The following C12orf56 variants were observed in gnomAD, a reference collection of about 807,000 sequenced individuals.
C12orf56 encodes uncharacterized protein C12orf56.
Under a neutral mutation model 69.9 loss-of-function variants are expected in C12orf56, and 71 were observed. The observed-to-expected ratio is 1.02, with a 90% CI of 0.84 to 1.24. The LOEUF (loss-of-function observed/expected upper bound fraction) is 1.24, where lower values mean the gene tolerates loss of function less well. Ranked by LOEUF, C12orf56 falls within the 50% of genes most tolerant of loss-of-function variation. C12orf56 has a pLI of 0.00. For missense variants in C12orf56, 732 were observed against 738.5 expected, an observed-to-expected ratio of 0.99 and a Z score of 0.10; for synonymous variants, 276 against 274.1, an observed-to-expected ratio of 1.01 and a Z score of -0.07.
chr12:64,274,984 C>T lies in C12orf56; in HGVS notation c.1510-9G>A, dbSNP rs2038032453. On this transcript the variant is annotated splice_polypyrimidine_tract_variant and intron_variant, in intron 10 of 12. Coordinates refer to ENST00000543942, the MANE Select transcript of C12orf56 (RefSeq NM_001170633.2). ...CCCAATCCGAGATTTCCCTAAAAGACTCAAGGAAATAAACAAGTTATATTC... is the reference window on the plus strand; with the variant it reads ...CCCAATCCGAGATTTCCCTAAAAGATTCAAGGAAATAAACAAGTTATATTC... The T allele has an allele frequency of 3.1e-6, 5 of 1,598,496 alleles. No homozygotes were observed. Among genetic ancestry groups the T allele is most frequent in the Non-Finnish European group, 4.3e-6 (5 of 1,166,402 alleles).
In C12orf56 at chr12:64,313,193, C is replaced by T. The variant is rs572411276; in HGVS notation, c.895-441G>A. Reference sequence around the variant, plus strand: ...AGGAGAATGGCATGAACCCGGGGGGCGGAGCTTGCAGTGAGCAGAGATCAC... The same window carrying T: ...AGGAGAATGGCATGAACCCGGGGGGTGGAGCTTGCAGTGAGCAGAGATCAC... On this transcript the variant is annotated intron_variant, in intron 4 of 12. Transcript: ENST00000543942. Among the ~76,000 whole-genome samples, 1,052 of 145,900 alleles carry T rather than the reference C, an allele frequency of 7.2e-3. 19 individuals carry two copies. The highest frequency in any genetic ancestry group is 0.026 in the African/African-American group (1,006 of 39,272).
At chr12:64,356,861 T>C (rs1295026618) in intron 1 of C12orf56, among the ~76,000 whole-genome samples, 1 of 152,186 alleles carries the variant, frequency 6.6e-6, no homozygotes, top group African/African-American at 2.4e-5. Context: ...TCTAACATTC[T>C]TTTCAAGCAT....
intron 1 of C12orf56, among the ~76,000 whole-genome samples, chr12:64,365,635 C>G (rs944063808): frequency 1.0e-4 from 15 of 148,738 alleles, no homozygotes; most frequent in African/African-American, 3.7e-4. Flanking sequence ...CATGGTGGCT[C>G]ATGCCTGTAA....
At chr12:64,366,293 T>TTA (rs572520442) in intron 1 of C12orf56, among the ~76,000 whole-genome samples, 27 of 18,614 alleles carry the variant, frequency 1.5e-3, no homozygotes, top group African/African-American at 4.0e-3. Flanking sequence ...AATATACAGT[T>TTA]TATATATTAT....
intron 1 of C12orf56, among the ~76,000 whole-genome samples, chr12:64,377,085 G>A (rs373223234): frequency 5.9e-5 from 9 of 151,636 alleles, no homozygotes; most frequent in Non-Finnish European, 7.4e-5. Context: ...TCTCACTTTC[G>A]TTTGGATTTG....
intron 1 of C12orf56, among the ~76,000 whole-genome samples, chr12:64,387,682 C>T (rs894443211): frequency 1.3e-5 from 2 of 151,922 alleles, no homozygotes; most frequent in Middle Eastern, 3.4e-3. Context: ...CATGGTGGCA[C>T]GTGCCTGTAG....
intron 5 of C12orf56, among the ~76,000 whole-genome samples, chr12:64,309,501 TTG>T (rs1317850062): frequency 3.8e-5 from 2 of 52,532 alleles, no homozygotes; most frequent in African/African-American, 1.5e-4. Context: ...GTTTTTTTGT[TTG>T]TTTGTTTGTT....
chr12:64,314,234 T>A (rs1471230148), intron 4 of C12orf56, among the ~76,000 whole-genome samples: 1 of 151,846 alleles, frequency 6.6e-6, no homozygotes, highest in African/African-American at 2.4e-5. Flanking sequence ...TACAGACATG[T>A]TCTACCTTGC....
Position 64,282,830 on chromosome 12 carries a change from A to G in C12orf56, c.1310+1834T>C, listed in dbSNP as rs547075934. ...CATAGTCCCTGGCACATAGCAAGTG[A>G]GCAAGTGTACTTAAGAAATATTAAT... is the stretch of plus-strand genomic sequence containing the variant. On this transcript the variant is annotated intron_variant, in intron 8 of 12. Transcript: ENST00000543942. Among the ~76,000 whole-genome samples, 11 of 151,838 alleles carry G rather than the reference A, an allele frequency of 7.2e-5. No individual in the cohort carries two copies. In the South Asian group the frequency reaches 2.3e-3, roughly 32 times the overall value.
chr12:64,361,810 G>A (rs1372891549), intron 1 of C12orf56, among the ~76,000 whole-genome samples: 2 of 151,604 alleles, frequency 1.3e-5, no homozygotes, highest in East Asian at 1.9e-4. Context: ...TCGGCTCACC[G>A]CAACCTCCTC....
At chr12:64,329,536 A>G (rs1382961836) in intron 3 of C12orf56, among the ~76,000 whole-genome samples, 1 of 148,064 alleles carries the variant, frequency 6.8e-6, no homozygotes, top group East Asian at 2.0e-4. Context: ...TTTATTTTTT[A>G]TTATTACACT....
intron 3 of C12orf56, among the ~76,000 whole-genome samples, chr12:64,323,565 C>CTTT (rs375927934): frequency 7.6e-6 from 1 of 130,848 alleles, no homozygotes; most frequent in African/African-American, 2.9e-5. Flanking sequence ...CAAACATTTC[C>CTTT]TTTTTTTTTT....
chr12:64,367,378 T>C (rs2039511875), intron 1 of C12orf56, among the ~76,000 whole-genome samples: 1 of 145,864 alleles, frequency 6.9e-6, no homozygotes, highest in Non-Finnish European at 1.5e-5. Flanking sequence ...GTTTAGTTTA[T>C]ATATACAAAT....
At chr12:64,274,237 G>C (rs1351677123) in intron 11 of C12orf56, among the ~76,000 whole-genome samples, 2 of 152,270 alleles carry the variant, frequency 1.3e-5, no homozygotes, top group East Asian at 3.9e-4. Context: ...TGATGCAGCT[G>C]CAGGGAGGGG....
intron 2 of C12orf56, among the ~76,000 whole-genome samples, chr12:64,342,856 G>A (rs117206136): frequency 0.036 from 5,527 of 152,260 alleles, 147 homozygotes; most frequent in Non-Finnish European, 0.056. Context: ...ACCTATGGGG[G>A]CCTCCCAAAG....
intron 1 of C12orf56, among the ~76,000 whole-genome samples, chr12:64,366,334 A>G (rs1380980260): frequency 9.5e-6 from 1 of 105,052 alleles, no homozygotes; most frequent in Non-Finnish European, 1.7e-5. Flanking sequence ...TATATTATAT[A>G]CAGTTTATAT....
intron 1 of C12orf56, among the ~76,000 whole-genome samples, chr12:64,366,975 A>T (rs1182620141): frequency 9.1e-6 from 1 of 109,998 alleles, no homozygotes; most frequent in Non-Finnish European, 1.7e-5. Flanking sequence ...CATACACTTT[A>T]TATATTATAT....
chr12:64,360,591 C>T (rs2039386889), intron 1 of C12orf56, among the ~76,000 whole-genome samples: 1 of 151,944 alleles, frequency 6.6e-6, no homozygotes. Context: ...TCTAACTGTC[C>T]TAAAATAAGC....
At chr12:64,313,377 C>T (rs1253258233) in intron 4 of C12orf56, among the ~76,000 whole-genome samples, 1 of 151,726 alleles carries the variant, frequency 6.6e-6, no homozygotes, top group African/African-American at 2.4e-5. Flanking sequence ...TTCCATCCCA[C>T]TATGCAAAGT....
Sources: allele counts gnomAD v4.1 joint callset (sites outside exome capture counted in the v4.1 genomes callset), GRCh38; gene constraint gnomAD v4.1.1; transcripts MANE v1.5; gene names NCBI Gene and HGNC (gene_info 2026-07-23, HGNC 2026-07-21).